Variants in ADCY8 observed in about 807,000 individuals in gnomAD.
The protein encoded by ADCY8 is adenylate cyclase 8, also known as adenylate cyclase type 8.
Under a neutral mutation model 119.7 loss-of-function variants are expected in ADCY8, and 51 were observed. The observed-to-expected ratio is 0.43, with a 90% CI of 0.34 to 0.54. The LOEUF is 0.54. ADCY8 is among the 20% of genes least tolerant of loss of function. The pLI, the probability that ADCY8 is intolerant of heterozygous loss-of-function variation, is 0.03. For missense variants in ADCY8, 1,383 were observed against 1,598.8 expected (o/e 0.87, Z 2.30); for synonymous variants, 665 against 651.0 (o/e 1.02, Z -0.33).
intron 10 of ADCY8, among the ~76,000 whole-genome samples, chr8:130,848,022 A>G (rs1198724033): frequency 6.6e-6 from 1 of 152,226 alleles, no homozygotes; most frequent in Non-Finnish European, 1.5e-5. Context: ...ACCATTGGCC[A>G]AATGCCTCCT....
At chr8:130,914,596 T>C (rs1395893436) in intron 5 of ADCY8, among the ~76,000 whole-genome samples, 6 of 152,196 alleles carry the variant, frequency 3.9e-5, no homozygotes, top group African/African-American at 1.4e-4. Flanking sequence ...ACCCTGTGGT[T>C]GCAAAGAACC....
chr8:130,845,288 A>G (rs1170043917), intron 11 of ADCY8, among the ~76,000 whole-genome samples: 1 of 152,214 alleles, frequency 6.6e-6, no homozygotes, highest in Non-Finnish European at 1.5e-5. Context: ...ATGTGTGGGC[A>G]CAGATAAATA....
intron 11 of ADCY8, among the ~76,000 whole-genome samples, chr8:130,846,348 C>T (rs540658831): frequency 6.6e-6 from 1 of 152,310 alleles, no homozygotes; most frequent in East Asian, 1.9e-4. Flanking sequence ...AAACAGACCA[C>T]TGGCTCTGTG....
chr8:130,801,676 C>T (rs2376823), intron 14 of ADCY8, among the ~76,000 whole-genome samples: 29,745 of 152,072 alleles, frequency 0.2, 4,036 homozygotes, highest in African/African-American at 0.39. Context: ...CCTATTCCCA[C>T]GCTCTTAATG....
intron 1 of ADCY8, among the ~76,000 whole-genome samples, chr8:131,037,257 A>G (rs1477227507): frequency 2.0e-5 from 3 of 152,204 alleles, no homozygotes; most frequent in African/African-American, 7.2e-5. Flanking sequence ...TACATGCATC[A>G]GGACCTTGGA....
chr8:131,015,044 G>A (rs1404900089), intron 1 of ADCY8, among the ~76,000 whole-genome samples: 2 of 152,170 alleles, frequency 1.3e-5, no homozygotes, highest in African/African-American at 4.8e-5. Flanking sequence ...GTCTTACCCA[G>A]GGCACATGCT....
intron 12 of ADCY8, among the ~76,000 whole-genome samples, chr8:130,831,547 G>A (rs1489765630): frequency 6.6e-6 from 1 of 152,154 alleles, no homozygotes; most frequent in Non-Finnish European, 1.5e-5. Context: ...CAGGCAGGGG[G>A]ATATATGTGC....
intron 9 of ADCY8, among the ~76,000 whole-genome samples, chr8:130,865,332 AAT>A (rs1384713833): frequency 2.6e-5 from 4 of 151,768 alleles, no homozygotes; most frequent in African/African-American, 9.7e-5. Flanking sequence ...TCATTTCTGA[AAT>A]ATATATATTT....
chr8:130,994,035 T>C (rs1387978124), intron 1 of ADCY8, among the ~76,000 whole-genome samples: 1 of 152,232 alleles, frequency 6.6e-6, no homozygotes, highest in Non-Finnish European at 1.5e-5. Context: ...GCTCTGCTTT[T>C]GTCTGCAGCT....
In ADCY8 at chr8:130,937,890, T is replaced by C. The variant is rs904745702; in HGVS notation, c.1354-690A>G. On this transcript the variant is annotated intron_variant, in intron 4 of 17. Transcript: ENST00000286355. ...AGAGTTAATCCTCACAACAACCCTCTAAGGTGGGTTGTTTTTTATCTCCAT... is the reference window on the plus strand; with the variant it reads ...AGAGTTAATCCTCACAACAACCCTCCAAGGTGGGTTGTTTTTTATCTCCAT... Among the ~76,000 whole-genome samples, 7 of 152,158 alleles carry C rather than the reference T, an allele frequency of 4.6e-5. No individual in the cohort carries two copies. The South Asian group carries it at 6.2e-4, about 14-fold the overall frequency.
intron 1 of ADCY8, among the ~76,000 whole-genome samples, chr8:131,027,458 C>T (rs1823855851): frequency 1.3e-5 from 2 of 152,124 alleles, no homozygotes; most frequent in Non-Finnish European, 2.9e-5. Context: ...GGAGAAGCTC[C>T]CACTGGGGAG....
rs750197018 is a variant in ADCY8, at chr8:130,780,927, T to C, written c.3269-50A>G. 56 of 1,590,442 alleles carry C rather than the reference T, an allele frequency of 3.5e-5. No homozygotes were observed. The South Asian group carries it at 6.3e-4, about 18-fold the overall frequency. On this transcript the variant is annotated intron_variant, in intron 17 of 17. Coordinates refer to ENST00000286355, the MANE Select transcript of ADCY8 (RefSeq NM_001115.3). ...GAAGTCAGAGGGAGAAGGGGGACAA[T>C]GGGGTGTTTGGACCCCTCCCTGGGA...
At chr8:130,918,802 C>T (rs916321765) in intron 5 of ADCY8, among the ~76,000 whole-genome samples, 8 of 152,110 alleles carry the variant, frequency 5.3e-5, no homozygotes, top group East Asian at 3.9e-4. Flanking sequence ...TGGCTCATGC[C>T]GTAATCTCAG....
chr8:131,026,880 A>G (rs1278662126), intron 1 of ADCY8, among the ~76,000 whole-genome samples: 2 of 152,116 alleles, frequency 1.3e-5, no homozygotes, highest in African/African-American at 2.4e-5. Flanking sequence ...CTCTTCAACA[A>G]CCTCCTGAGC....
intron 15 of ADCY8, among the ~76,000 whole-genome samples, chr8:130,792,146 A>C (rs1815443701): frequency 6.6e-6 from 1 of 152,176 alleles, no homozygotes; most frequent in Non-Finnish European, 1.5e-5. Flanking sequence ...GGCTACCAGC[A>C]GCACTGGACC....
Position 131,040,006 on chromosome 8 carries a change from G to T in ADCY8, c.328C>A (p.Pro110Thr), listed in dbSNP as rs985165482. The T allele has an allele frequency of 6.4e-7, 1 of 1,561,860 alleles. No individual in the cohort carries two copies. Among genetic ancestry groups the T allele is most frequent in the Non-Finnish European group, 8.7e-7 (1 of 1,155,790 alleles). ...AHSTCGTKVF[P>T]ERSGSGSASG... ...GCACTGCCGCTCCCGCTGCGTTCCG[G>T]GAAGACTTTGGTGCCGCAGGTGCTG... Residue 110 changes from proline (P) to threonine (T), a missense_variant, in exon 1 of 18, where the codon CCG becomes ACG. Pro to Thr is a conservative substitution (Grantham distance 38). Coordinates refer to ENST00000286355, the MANE Select transcript of ADCY8 (RefSeq NM_001115.3).
At chr8:130,984,671 A>C (rs142563809) in intron 2 of ADCY8, among the ~76,000 whole-genome samples, 3 of 152,282 alleles carry the variant, frequency 2.0e-5, no homozygotes, top group Non-Finnish European at 4.4e-5. Context: ...TAGTAAAGGA[A>C]ATATAGAAAA....
chr8:130,806,246 A>T (rs1777610878), intron 14 of ADCY8, among the ~76,000 whole-genome samples: 1 of 152,168 alleles, frequency 6.6e-6, no homozygotes, highest in Admixed American at 6.5e-5. Context: ...GCTCCACTCC[A>T]GTTGTCTGCC....
chr8:130,878,529 C>A (rs1425010424), intron 8 of ADCY8, among the ~76,000 whole-genome samples: 2 of 152,140 alleles, frequency 1.3e-5, no homozygotes, highest in Admixed American at 1.3e-4. Flanking sequence ...GGGCAAGTGA[C>A]CAGCCCGAGT....
Sources: allele counts gnomAD v4.1 joint callset (sites outside exome capture counted in the v4.1 genomes callset), GRCh38; gene constraint gnomAD v4.1.1; transcripts MANE v1.5; gene names NCBI Gene and HGNC (gene_info 2026-07-23, HGNC 2026-07-21).